Variants in PCCB observed in about 807,000 individuals in gnomAD.
PCCB encodes propionyl-CoA carboxylase subunit beta.
In PCCB, 43 loss-of-function variants were observed where a neutral mutation model predicts 60.7. The observed-to-expected ratio is 0.71, with a 90% CI of 0.55 to 0.91. The LOEUF is 0.91. PCCB is among the 40% of genes least tolerant of loss of function. The pLI is 0.00. For synonymous variants in PCCB, 276 were observed against 255.9 expected (o/e 1.08, Z -0.75); for missense variants, 766 against 702.8 (o/e 1.09, Z -1.02).
intron 4 of PCCB, among the ~76,000 whole-genome samples, chr3:136,261,026 C>T (rs913166259): frequency 5.9e-5 from 9 of 152,062 alleles, no homozygotes; most frequent in East Asian, 3.9e-4. Context: ...GAAATGTTAA[C>T]GATCAGCTAG....
chr3:136,283,609 G>A (rs958878935), intron 5 of PCCB, among the ~76,000 whole-genome samples: 4 of 152,160 alleles, frequency 2.6e-5, no homozygotes, highest in African/African-American at 7.2e-5. Context: ...GAGGGGAGGG[G>A]AGAGAAAATA....
intron 3 of PCCB, chr3:136,259,154 T>A: frequency 6.8e-7 from 1 of 1,467,144 alleles, no homozygotes; most frequent in Non-Finnish European, 9.0e-7. Flanking sequence ...TTCTTGTTTT[T>A]TAACCTTTCT....
At chr3:136,269,596 A>G (rs527664872) in intron 5 of PCCB, among the ~76,000 whole-genome samples, 1 of 152,058 alleles carries the variant, frequency 6.6e-6, no homozygotes, top group East Asian at 1.9e-4. Context: ...GTAAGAGTGG[A>G]CATCCTTGGC....
intron 6 of PCCB, among the ~76,000 whole-genome samples, chr3:136,290,598 G>C (rs1029948950): frequency 6.7e-6 from 1 of 148,368 alleles, no homozygotes; most frequent in Non-Finnish European, 1.5e-5. Context: ...GGGCTCACAT[G>C]GTCTTCCTGC....
At chr3:136,328,901 A>G (rs766601302) in intron 14 of PCCB, 44 bp downstream of exon 14, 4 of 1,432,872 alleles carry the variant, frequency 2.8e-6, no homozygotes, top group South Asian at 1.1e-5. Flanking sequence ...TGTTTGGTCA[A>G]CTTGCTCATT....
At chr3:136,250,926 G>C (rs1421360544) in intron 1 of PCCB, among the ~76,000 whole-genome samples, 2 of 152,190 alleles carry the variant, frequency 1.3e-5, no homozygotes, top group Non-Finnish European at 2.9e-5. Context: ...TAGGCGCTCA[G>C]TAAAAACCAT....
rs1363853396 is a variant in PCCB at position 136,268,160 on chromosome 3, A to G, written c.543+6095A>G. On this transcript the variant is annotated intron_variant, in intron 5 of 14. Coordinates refer to ENST00000251654, the MANE Select transcript of PCCB (RefSeq NM_000532.5). ...TATATATCTACATACACAAGTACAT[A>G]TAAGAGAGCCCAGCCAGCTTTCTTA... Among the ~76,000 whole-genome samples the G allele has an allele frequency of 3.5e-4, 51 of 143,892 alleles. No individual in the cohort carries two copies. The Admixed American group carries it at 3.6e-3, about 10-fold the overall frequency. The allele number at this position is 143,892 out of a possible 152,430, so 94.4% of individuals were successfully genotyped here.
rs115279094 is a variant in PCCB, at chr3:136,255,385, G to T, written c.184-471G>T. On this transcript the variant is annotated intron_variant, in intron 1 of 14. Coordinates refer to ENST00000251654, the MANE Select transcript of PCCB (RefSeq NM_000532.5). ...AACCAGGAAGTAGCGTGTCCTTGAG[G>T]TGGGAGCTGGGAGCAGTAGGGACCC... 3.8e-3 allele frequency: 829 copies of T among 217,364 alleles called. 8 individuals carry two copies. The highest frequency in any genetic ancestry group is 0.019 in the African/African-American group (799 of 43,122). 13.5% of individuals were successfully genotyped at this position (217,364 alleles called of 1,614,324 possible).
intron 9 of PCCB, among the ~76,000 whole-genome samples, chr3:136,309,595 T>TA (rs1466576729): frequency 2.0e-5 from 3 of 151,008 alleles, no homozygotes; most frequent in African/African-American, 7.3e-5. Flanking sequence ...AAGCCAGGAG[T>TA]TGAAGACCAA....
intron 1 of PCCB, among the ~76,000 whole-genome samples, chr3:136,253,147 T>G (rs1421816171): frequency 7.2e-6 from 1 of 138,944 alleles, no homozygotes; most frequent in Non-Finnish European, 1.5e-5. Flanking sequence ...TGGAGTGCAG[T>G]GGCGCGGTCT....
Position 136,250,516 on chromosome 3 carries a change from G to A in PCCB, c.141G>A (p.Leu47=), listed in dbSNP as rs1378807952. ...ERIENKRRTA[L]LGGGQRRIDA... ...TCGAAAACAAGCGCCGGACCGCGCT[G>A]CTGGGAGGGGGCCAACGCCGTATTG... The change falls in exon 1 of 15, where the codon CTG becomes CTA. Residue 47 remains leucine, a synonymous_variant. Coordinates refer to ENST00000251654, the MANE Select transcript of PCCB (RefSeq NM_000532.5). The A allele has an allele frequency of 1.2e-6, 2 of 1,613,024 alleles. No individual in the cohort carries two copies. The highest frequency in any genetic ancestry group is 2.2e-5 in the East Asian group (1 of 44,868).
Position 136,255,546 on chromosome 3 carries a change from G to A in PCCB, c.184-310G>A, listed in dbSNP as rs150239826. ...CCTTAGGTCTCCAGTAAGTATTTGT[G>A]GAACTAATTAATTGTGTTCCAGGGT... On this transcript the variant is annotated intron_variant, in intron 1 of 14. Coordinates refer to ENST00000251654, the MANE Select transcript of PCCB (RefSeq NM_000532.5). 1.9e-3 allele frequency: 764 copies of A among 394,818 alleles called. 2 individuals carry two copies. Among genetic ancestry groups the A allele is most frequent in the Non-Finnish European group, 2.8e-3 (590 of 208,566 alleles). The allele number at this position is 394,818 out of a possible 1,614,324, so 24.5% of individuals were successfully genotyped here.
At chr3:136,259,047 T>A in intron 3 of PCCB, 1 of 786,618 alleles carries the variant, frequency 1.3e-6, no homozygotes, top group Non-Finnish European at 1.7e-6. Context: ...CTAACTGTCT[T>A]TTTGAGGGGG....
chr3:136,309,813 A>T (rs1934591698), intron 9 of PCCB, among the ~76,000 whole-genome samples: 1 of 152,144 alleles, frequency 6.6e-6, no homozygotes. Flanking sequence ...AAAAAAAAAA[A>T]AATTCTAAGA....
Position 136,306,869 on chromosome 3 carries a change from G to A in PCCB, c.966+5758G>A, listed in dbSNP as rs1934466123. Among the ~76,000 whole-genome samples the A allele has an allele frequency of 1.6e-5, 2 of 122,674 alleles. 1 individual carries two copies. The highest frequency in any genetic ancestry group is 6.3e-4 in the South Asian group (2 of 3,198). The allele number at this position is 122,674 out of a possible 152,430, so 80.5% of individuals were successfully genotyped here. On this transcript the variant is annotated intron_variant, in intron 9 of 14. Transcript: ENST00000251654. Reference sequence around the variant, plus strand: ...TAGTCCAGAAATAAAATAAGATTCAGATTTATATAATGAAAGAGCACACTG... The same window carrying A: ...TAGTCCAGAAATAAAATAAGATTCAAATTTATATAATGAAAGAGCACACTG...
chr3:136,312,965 T>C (rs1392729513), intron 9 of PCCB, among the ~76,000 whole-genome samples: 1 of 152,154 alleles, frequency 6.6e-6, no homozygotes, highest in African/African-American at 2.4e-5. Context: ...AAAAAAGATA[T>C]AAAATGGACC....
Position 136,293,739 on chromosome 3 carries a change from G to A in PCCB, c.655-17G>A, listed in dbSNP as rs781523031. On this transcript the variant is annotated splice_polypyrimidine_tract_variant and intron_variant, in intron 6 of 14. Coordinates refer to ENST00000251654, the MANE Select transcript of PCCB (RefSeq NM_000532.5). ...TGGTGCTCTGAGGTTGACTGTTCTGGAAATCTTTTATTTCAGGACACCTCC... is the reference window on the plus strand; with the variant it reads ...TGGTGCTCTGAGGTTGACTGTTCTGAAAATCTTTTATTTCAGGACACCTCC... The A allele has an allele frequency of 2.6e-6, 4 of 1,528,500 alleles. No homozygotes were observed. In the South Asian group the frequency reaches 4.5e-5, roughly 17 times the overall value. 94.7% of individuals were successfully genotyped at this position (1,528,500 alleles called of 1,614,324 possible).
At chr3:136,297,923 TC>T in intron 7 of PCCB, 28 bp from the exon 8 acceptor site, 2 of 1,613,914 alleles carry the variant, frequency 1.2e-6, no homozygotes, top group Non-Finnish European at 1.7e-6. Flanking sequence ...GTACCCTGAC[TC>T]AATCATATAT....
chr3:136,321,921 A>G (rs1935123193), intron 10 of PCCB, among the ~76,000 whole-genome samples: 1 of 152,196 alleles, frequency 6.6e-6, no homozygotes, highest in Admixed American at 6.5e-5. Flanking sequence ...CAATTTTGTC[A>G]TCTGTGAACA....
Sources: allele counts gnomAD v4.1 joint callset (sites outside exome capture counted in the v4.1 genomes callset), GRCh38; gene constraint gnomAD v4.1.1; transcripts MANE v1.5; gene names NCBI Gene and HGNC (gene_info 2026-07-23, HGNC 2026-07-21).